PKP1: variants seen among roughly 807,000 people sequenced by gnomAD.
The protein encoded by PKP1 is plakophilin-1.
PKP1 carries 27 observed loss-of-function variants against 76.4 expected under a neutral mutation model. That is an observed-to-expected ratio of 0.35 (90% confidence interval 0.26 to 0.49). The LOEUF (loss-of-function observed/expected upper bound fraction) is 0.49, where lower values mean the gene tolerates loss of function less well. Among genes scored for constraint, PKP1 ranks in the 20% least tolerant of loss-of-function variants. The pLI, the probability that PKP1 is intolerant of heterozygous loss-of-function variation, is 0.99. For synonymous variants in PKP1, 404 were observed against 384.2 expected, an observed-to-expected ratio of 1.05 and a Z score of -0.60; for missense variants, 964 against 955.2, an observed-to-expected ratio of 1.01 and a Z score of -0.12.
intron 2 of PKP1, among the ~76,000 whole-genome samples, chr1:201,309,374 G>C (rs1038599817): frequency 6.6e-6 from 1 of 151,998 alleles, no homozygotes. Flanking sequence ...GGCTCACCTC[G>C]GGCTGTGGGA....
intron 2 of PKP1, among the ~76,000 whole-genome samples, chr1:201,310,773 G>A (rs570661201): frequency 2.0e-5 from 3 of 152,350 alleles, no homozygotes; most frequent in African/African-American, 7.2e-5. Flanking sequence ...TCCCAGGAAT[G>A]GGTGACGCCA....
rs1359491630 is a variant in PKP1 at position 201,320,378 on chromosome 1, C to A, written c.1344C>A (p.Asp448Glu). Residue 448 changes from aspartate to glutamate, a missense_variant, in exon 7 of 14, where the codon GAC (aspartate) becomes GAA (glutamate). Physicochemically the swap from Asp to Glu is conservative, Grantham distance 45. Transcript: ENST00000367324. ...GTGTAGCGGCCAGCCGCTGTGACGA[C>A]AAGGTGAGTGCATCCCCTGGTGGCA... ...QNCVAASRCD[D>E]KSVENCMCVL... 6.2e-7 allele frequency: 1 copy of A among 1,602,072 alleles called. No individual in the cohort carries two copies. Among genetic ancestry groups the A allele is most frequent in the Non-Finnish European group, 8.6e-7 (1 of 1,169,136 alleles).
chr1:201,309,179 C>T (rs1442887867), intron 2 of PKP1, among the ~76,000 whole-genome samples: 1 of 151,890 alleles, frequency 6.6e-6, no homozygotes, highest in African/African-American at 2.4e-5. Context: ...GTCTCCTTGC[C>T]TATAAAGGAG....
rs1412596321 is a variant in PKP1, at chr1:201,317,577, T to C, written c.852T>C (p.Tyr284=). The change falls in exon 5 of 14, where the codon TAT becomes TAC. Residue 284 remains tyrosine, a synonymous_variant. Transcript: ENST00000367324. ...TGGCAACTCTTTCCTGGCAGGTCTA[T>C]CAGCTGGGAGGCATCTGCAAGCTGG... The part of the protein sequence containing the change: ...FQDESAKQQV[Y]QLGGICKLVD... The C allele has an allele frequency of 1.9e-6, 3 of 1,613,740 alleles. No homozygotes were observed. The highest frequency in any genetic ancestry group is 1.7e-6 in the Non-Finnish European group (2 of 1,179,848).
chr1:201,292,068 G>T (rs1384940735), intron 1 of PKP1, among the ~76,000 whole-genome samples: 1 of 152,222 alleles, frequency 6.6e-6, no homozygotes, highest in Non-Finnish European at 1.5e-5. Context: ...TAGGCGGATG[G>T]CCCTTCTGGA....
rs1238808715 is a variant in PKP1, at chr1:201,319,921, G to T, written c.1233-346G>T. 3 of 1,593,434 alleles carry T rather than the reference G, an allele frequency of 1.9e-6. No homozygotes were observed. In the Admixed American group the frequency reaches 5.0e-5, roughly 27 times the overall value. ...GCTGCGGAGGGACCGTTGCCACATG[G>T]AGCCATTGCCAGTTATAAAGTTACT... On this transcript the variant is annotated intron_variant, in intron 6 of 13. Transcript: ENST00000367324.
chr1:201,323,303 G>T lies in PKP1; in HGVS notation c.1680+114G>T, dbSNP rs1247258998. ...CCCCTGACTTCGGAGCCTCCCATGAGCAGAGTGTGCCTGGCATATGCTGGG... is the reference window on the plus strand; with the variant it reads ...CCCCTGACTTCGGAGCCTCCCATGATCAGAGTGTGCCTGGCATATGCTGGG... On this transcript the variant is annotated intron_variant, in intron 9 of 13. Transcript: ENST00000367324. 2.2e-4 allele frequency: 218 copies of T among 969,884 alleles called. 3 individuals carry two copies. The South Asian group carries it at 2.8e-3, about 13-fold the overall frequency. 60.1% of individuals were successfully genotyped at this position (969,884 alleles called of 1,614,324 possible). A position where few individuals can be genotyped will look rare whatever the true frequency, so the allele number is the denominator to read the frequency against.
chr1:201,290,426 A>G (rs1655879479), intron 1 of PKP1, among the ~76,000 whole-genome samples: 1 of 152,032 alleles, frequency 6.6e-6, no homozygotes, highest in South Asian at 2.1e-4. Flanking sequence ...GGGGCAAAGC[A>G]GATGCTTAGC....
intron 2 of PKP1, among the ~76,000 whole-genome samples, chr1:201,302,818 G>A (rs56113441): frequency 0.029 from 4,477 of 152,356 alleles, 212 homozygotes; most frequent in African/African-American, 0.1. Context: ...GGCTGGGAAG[G>A]AGGCCGCTTG....
chr1:201,308,853 C>A (rs1656445458), intron 2 of PKP1, among the ~76,000 whole-genome samples: 1 of 152,106 alleles, frequency 6.6e-6, no homozygotes, highest in Non-Finnish European at 1.5e-5. Flanking sequence ...AGGCAGGGAC[C>A]AGAGCCCTGG....
Position 201,320,335 on chromosome 1 carries a change from T to A in PKP1, c.1301T>A (p.Met434Lys), listed in dbSNP as rs1247733986. The A allele has an allele frequency of 6.2e-7, 1 of 1,614,166 alleles. No homozygotes were observed. Among genetic ancestry groups the A allele is most frequent in the Non-Finnish European group, 8.5e-7 (1 of 1,179,990 alleles). Residue 434 changes from methionine to lysine, a missense_variant, in exon 7 of 14, where the codon ATG (methionine) becomes AAG (lysine). Met to Lys is a moderately conservative substitution (Grantham distance 95). Coordinates refer to ENST00000367324, the MANE Select transcript of PKP1 (RefSeq NM_001005337.3). The stretch of plus-strand genomic sequence containing the variant: ...TACTCAGGGCTCATTGATTCCCTCA[T>A]GGCCTATGTCCAGAACTGTGTAGCG... ...RNYSGLIDSL[M>K]AYVQNCVAAS...
rs1656794909 is a variant in PKP1, at chr1:201,317,584, G to A, written c.859G>A (p.Gly287Arg). Residue 287 changes from glycine to arginine, a missense_variant, in exon 5 of 14, where the codon GGA (glycine) becomes AGA (arginine). Physicochemically the swap from Gly to Arg is moderately radical, Grantham distance 125. Transcript: ENST00000367324. ...ESAKQQVYQL[G>R]GICKLVDLLR... ...TCTTTCCTGGCAGGTCTATCAGCTG[G>A]GAGGCATCTGCAAGCTGGTGGACCT... 1 of 1,613,930 alleles carries A rather than the reference G, an allele frequency of 6.2e-7. No individual in the cohort carries two copies. The highest frequency in any genetic ancestry group is 1.3e-5 in the African/African-American group (1 of 75,022).
Position 201,317,672 on chromosome 1 carries a change from T to G in PKP1, c.947T>G (p.Phe316Cys). The G allele has an allele frequency of 6.2e-7, 1 of 1,613,814 alleles. No individual in the cohort carries two copies. Among genetic ancestry groups the G allele is most frequent in the Non-Finnish European group, 8.5e-7 (1 of 1,179,962 alleles). ...GCAGGGGCCCTGCGCAACCTGGTGT[T>G]CAGGAGCACCACCAACAAGCTGGAG... is the stretch of plus-strand genomic sequence containing the variant. ...AAAGALRNLV[F>C]RSTTNKLETR... is the part of the protein sequence containing the mutation. The change falls in exon 5 of 14, where the codon TTC becomes TGC. Residue 316 changes from phenylalanine to cysteine, a missense_variant. By Grantham distance (205) the Phe-to-Cys change is radical. Transcript: ENST00000367324.
intron 1 of PKP1, among the ~76,000 whole-genome samples, chr1:201,286,914 T>G (rs1655756791): frequency 6.6e-6 from 1 of 152,116 alleles, no homozygotes; most frequent in African/African-American, 2.4e-5. Flanking sequence ...TAACTTCACT[T>G]GGAATCTCTT....
intron 1 of PKP1, among the ~76,000 whole-genome samples, chr1:201,291,684 GCTGA>G (rs1448315747): frequency 6.6e-6 from 1 of 152,214 alleles, no homozygotes; most frequent in Non-Finnish European, 1.5e-5. Context: ...CCCAGAAGCA[GCTGA>G]CTGACCCACA....
At position 201,316,608 on chromosome 1, in the gene PKP1, T is replaced by A; in HGVS notation, c.757T>A (p.Tyr253Asn). The A allele has an allele frequency of 6.2e-7, 1 of 1,612,828 alleles. No homozygotes were observed. The highest frequency in any genetic ancestry group is 8.5e-7 in the Non-Finnish European group (1 of 1,179,522). Residue 253 changes from tyrosine (Y) to asparagine (N), a missense_variant, in exon 4 of 14, where the codon TAC becomes AAC. Transcript: ENST00000367324. ...SGLTIPKAVQ[Y>N]LSSQDEKYQA... is the part of the protein sequence containing the mutation. ...GCTGACCATCCCCAAGGCTGTGCAG[T>A]ACCTGAGCTCCCAGGATGAGAAGTA...
At position 201,316,566 on chromosome 1, in the gene PKP1, G is replaced by T; in HGVS notation, c.715G>T (p.Asp239Tyr). 6.2e-7 allele frequency: 1 copy of T among 1,608,698 alleles called. No individual in the cohort carries two copies. The highest frequency in any genetic ancestry group is 2.2e-5 in the East Asian group (1 of 44,806). ...SRASSKICSEDIECSGLTIPK... is the reference protein window; with the variant it reads ...SRASSKICSEYIECSGLTIPK... Reference sequence around the variant, plus strand: ...TATTCTTCACAGGATCTGCAGTGAGGACATCGAGTGCAGTGGGCTGACCAT... The same window carrying T: ...TATTCTTCACAGGATCTGCAGTGAGTACATCGAGTGCAGTGGGCTGACCAT... The change falls in exon 4 of 14, where the codon GAC becomes TAC. Residue 239 changes from aspartate to tyrosine, a missense_variant. Asp to Tyr is a radical substitution (Grantham distance 160). Transcript: ENST00000367324.
rs190053583 is a variant in PKP1 at position 201,317,631 on chromosome 1, C to A, written c.906C>A (p.Asn302Lys). Reference sequence around the variant, plus strand: ...ACCTCCTCCGCAGCCCCAACCAGAACGTCCAGCAGGCCGCGGCAGGGGCCC... The same window carrying A: ...ACCTCCTCCGCAGCCCCAACCAGAAAGTCCAGCAGGCCGCGGCAGGGGCCC... ...LVDLLRSPNQ[N>K]VQQAAAGALR... The change falls in exon 5 of 14, where the codon AAC becomes AAA. Residue 302 changes from asparagine to lysine, a missense_variant. Physicochemically the swap from Asn to Lys is moderately conservative, Grantham distance 94 (BLOSUM62 0). Transcript: ENST00000367324. 8.1e-6 allele frequency: 13 copies of A among 1,614,088 alleles called. No homozygotes were observed. The highest frequency in any genetic ancestry group is 2.7e-5 in the African/African-American group (2 of 75,052).
At position 201,303,476 on chromosome 1, in the gene PKP1, T is replaced by C. The variant is rs150789252; in HGVS notation, c.306+9431T>C. 5.1e-3 allele frequency among the ~76,000 whole-genome samples: 775 copies of C among 152,292 alleles called. 7 individuals carry two copies. The highest frequency in any genetic ancestry group is 0.017 in the African/African-American group (720 of 41,564). Reference sequence around the variant, plus strand: ...GGAAACTTTATATCACTCACCCAAATGACAAAAACCGGTATCTTTTGCCAC... The same window carrying C: ...GGAAACTTTATATCACTCACCCAAACGACAAAAACCGGTATCTTTTGCCAC... On this transcript the variant is annotated intron_variant, in intron 2 of 13. Coordinates refer to ENST00000367324, the MANE Select transcript of PKP1 (RefSeq NM_001005337.3).
Sources: allele counts gnomAD v4.1 joint callset (sites outside exome capture counted in the v4.1 genomes callset), GRCh38; gene constraint gnomAD v4.1.1; transcripts MANE v1.5; gene names NCBI Gene and HGNC (gene_info 2026-07-23, HGNC 2026-07-21).